Variants in TMEM131L observed in about 807,000 individuals in gnomAD.
The protein encoded by TMEM131L is transmembrane 131 like.
A neutral mutation model predicts 192.2 loss-of-function variants in TMEM131L; 54 were observed. That is an observed-to-expected ratio of 0.28 (90% CI 0.23 to 0.35). TMEM131L has a LOEUF of 0.35. Among genes scored for constraint, TMEM131L ranks in the 10% least tolerant of loss-of-function variants. The pLI is 1.00. For synonymous variants in TMEM131L, 701 were observed against 704.9 expected (o/e 0.99, Z 0.09); for missense variants, 1,888 against 1,972.9 (o/e 0.96, Z 0.82).
chr4:153,614,009 C>G (rs1177200285), intron 26 of TMEM131L, among the ~76,000 whole-genome samples: 1 of 152,134 alleles, frequency 6.6e-6, no homozygotes, highest in African/African-American at 2.4e-5. Flanking sequence ...GAGGGGACTT[C>G]AGAGATTGAA....
intron 2 of TMEM131L, among the ~76,000 whole-genome samples, chr4:153,467,970 T>G (rs547595928): frequency 9.9e-5 from 15 of 152,206 alleles, no homozygotes; most frequent in African/African-American, 3.6e-4. Flanking sequence ...TTAAATATAA[T>G]GTTGTTGACT....
At chr4:153,512,270 T>G (rs1193773650) in intron 3 of TMEM131L, among the ~76,000 whole-genome samples, 1 of 152,336 alleles carries the variant, frequency 6.6e-6, no homozygotes, top group Non-Finnish European at 1.5e-5. Flanking sequence ...TGTGAAAATT[T>G]GAATATTAAC....
intron 3 of TMEM131L, among the ~76,000 whole-genome samples, chr4:153,542,596 A>G (rs1262699057): frequency 6.6e-6 from 1 of 152,234 alleles, no homozygotes; most frequent in African/African-American, 2.4e-5. Context: ...TCTTAGGATT[A>G]TATATAATAA....
intron 7 of TMEM131L, among the ~76,000 whole-genome samples, chr4:153,561,413 C>T (rs1728839335): frequency 6.6e-6 from 1 of 151,900 alleles, no homozygotes; most frequent in Non-Finnish European, 1.5e-5. Flanking sequence ...TTTCTTTTTT[C>T]ACTTTATGAT....
chr4:153,624,621 G>A (rs999349143), intron 29 of TMEM131L, among the ~76,000 whole-genome samples: 2 of 152,230 alleles, frequency 1.3e-5, no homozygotes, highest in African/African-American at 4.8e-5. Context: ...GGCAGGGCAG[G>A]TGTCCCTGTT....
chr4:153,467,269 GCTGCCCA>G lies in TMEM131L; in HGVS notation c.186_192del (p.Pro63ArgfsTer34), dbSNP rs1194108346. ...GGCAGGCAGAAGAAGGGGAACTCCT[GCTGCCCA>G]CTCAGGTGAGGACGACCAGGTGACA... On this transcript the variant is annotated frameshift_variant, in exon 2 of 35. Coordinates refer to ENST00000409959, the MANE Select transcript of TMEM131L (RefSeq NM_001131007.2). LOFTEE classifies it high-confidence loss of function. 1 of 1,551,670 alleles carries G rather than the reference GCTGCCCA, an allele frequency of 6.4e-7. No individual in the cohort carries two copies. The highest frequency in any genetic ancestry group is 1.2e-5 in the South Asian group (1 of 84,062).
intron 15 of TMEM131L, among the ~76,000 whole-genome samples, chr4:153,588,081 A>T (rs1402665947): frequency 1.4e-5 from 2 of 145,650 alleles, no homozygotes; most frequent in East Asian, 4.0e-4. Flanking sequence ...TTCGATCATC[A>T]CAGCACCCAT....
chr4:153,609,441 T>G (rs1175834055), intron 25 of TMEM131L, among the ~76,000 whole-genome samples: 1 of 152,168 alleles, frequency 6.6e-6, no homozygotes, highest in Non-Finnish European at 1.5e-5. Context: ...CAATTTGACA[T>G]GAGATTTGGG....
At chr4:153,467,452 G>T (rs989213058) in intron 2 of TMEM131L, among the ~76,000 whole-genome samples, 171 bp downstream of exon 2, 5 of 152,204 alleles carry the variant, frequency 3.3e-5, no homozygotes, top group Admixed American at 6.5e-5. Context: ...GGCCTTCCCG[G>T]CTCCTCCCAC....
intron 32 of TMEM131L, chr4:153,633,486 C>T (rs1734365234): frequency 6.6e-6 from 1 of 151,622 alleles, no homozygotes; most frequent in Non-Finnish European, 1.5e-5. Flanking sequence ...GCCTTGACCT[C>T]CCGAAGTGTT....
At chr4:153,498,690 G>A (rs1733370727) in intron 3 of TMEM131L, among the ~76,000 whole-genome samples, 1 of 152,152 alleles carries the variant, frequency 6.6e-6, no homozygotes, top group South Asian at 2.1e-4. Context: ...TTGGTCCCCA[G>A]GGTCTTCTCA....
At chr4:153,504,031 A>G (rs1056913025) in intron 3 of TMEM131L, among the ~76,000 whole-genome samples, 4 of 152,056 alleles carry the variant, frequency 2.6e-5, no homozygotes, top group Non-Finnish European at 5.9e-5. Flanking sequence ...CAGTGGTGCT[A>G]TCTCGGCTCA....
At chr4:153,588,795 C>A in intron 15 of TMEM131L, 95 bp from the exon 16 acceptor site, 1 of 688,960 alleles carries the variant, frequency 1.5e-6, no homozygotes, top group Admixed American at 2.4e-5. Context: ...ACAGTCCTCT[C>A]AGTTTAAGAA....
rs1734314447 is a variant in TMEM131L at position 153,632,938 on chromosome 4, T to C, written c.4328+100T>C. On this transcript the variant is annotated intron_variant, in intron 32 of 34. Coordinates refer to ENST00000409959, the MANE Select transcript of TMEM131L (RefSeq NM_001131007.2). Reference sequence around the variant, plus strand: ...AGGGTTTCCTTACAAAAATGAAGGCTAGGCTTCTTCCTTGGTGTACTTTAG... The same window carrying C: ...AGGGTTTCCTTACAAAAATGAAGGCCAGGCTTCTTCCTTGGTGTACTTTAG... The C allele has an allele frequency of 2.8e-6, 4 of 1,407,696 alleles. No individual in the cohort carries two copies. The South Asian group carries it at 3.9e-5, about 14-fold the overall frequency. The allele number at this position is 1,407,696 out of a possible 1,614,324, so 87.2% of individuals were successfully genotyped here.
At chr4:153,559,168 C>G (rs1728689076) in intron 7 of TMEM131L, among the ~76,000 whole-genome samples, 1 of 152,166 alleles carries the variant, frequency 6.6e-6, no homozygotes, top group Admixed American at 6.5e-5. Context: ...GAGTTTGTAT[C>G]TGCGTAGAGC....
chr4:153,468,971 C>A (rs1028630554), intron 2 of TMEM131L, among the ~76,000 whole-genome samples: 1 of 152,152 alleles, frequency 6.6e-6, no homozygotes, highest in Non-Finnish European at 1.5e-5. Flanking sequence ...TATATACTCT[C>A]ATTTGTTAGA....
intron 15 of TMEM131L, 129 bp from the exon 16 acceptor site, chr4:153,588,761 A>T: frequency 1.7e-6 from 1 of 583,894 alleles, no homozygotes; most frequent in Non-Finnish European, 3.1e-6. Flanking sequence ...AGCAGCAGAG[A>T]CAGAGGTGGC....
chr4:153,596,504 C>CG, intron 20 of TMEM131L, 119 bp downstream of exon 20: 1 of 1,259,538 alleles, frequency 7.9e-7, no homozygotes, highest in Non-Finnish European at 1.1e-6. Context: ...GGCTGTGTTG[C>CG]GGGGTAGGAA....
In TMEM131L at chr4:153,466,469, C is replaced by G; in HGVS notation, c.72C>G (p.Gly24=). ...RTAAAVNLLL[G]VFQVLLPCCR... is the part of the protein sequence containing the mutation. ...CGGCGGCCGTGAACCTCCTGCTGGG[C>G]GTCTTCCAGGTCCTGCTGCCCTGCT... is the stretch of plus-strand genomic sequence containing the variant. Residue 24 remains glycine, a synonymous_variant, in exon 1 of 35, where the codon GGC becomes GGG. Coordinates refer to ENST00000409959, the MANE Select transcript of TMEM131L (RefSeq NM_001131007.2). 1.4e-6 allele frequency: 2 copies of G among 1,424,514 alleles called. No homozygotes were observed. Among genetic ancestry groups the G allele is most frequent in the Non-Finnish European group, 9.2e-7 (1 of 1,081,426 alleles). 88.2% of individuals were successfully genotyped at this position (1,424,514 alleles called of 1,614,324 possible).
Sources: gnomAD v4.1 joint callset for allele counts (sites outside exome capture counted in the v4.1 genomes callset) on GRCh38, gnomAD v4.1.1 for gene constraint, MANE v1.5 for transcripts, NCBI Gene and HGNC (gene_info 2026-07-23, HGNC 2026-07-21) for gene names.